Variants in ATP6V0A1 observed in about 807,000 individuals in gnomAD.
ATP6V0A1 encodes V-type proton ATPase 116 kDa subunit a 1.
A neutral mutation model predicts 105.4 loss-of-function variants in ATP6V0A1; 43 were observed. That is an observed-to-expected ratio of 0.41 (90% confidence interval 0.32 to 0.53). The LOEUF (loss-of-function observed/expected upper bound fraction) is 0.53, where lower values mean the gene tolerates loss of function less well. Among genes scored for constraint, ATP6V0A1 ranks in the 20% least tolerant of loss-of-function variants. ATP6V0A1 has a pLI of 0.30. For missense variants in ATP6V0A1, 676 were observed against 1,051.1 expected (o/e 0.64, Z 4.93); for synonymous variants, 362 against 372.8 (o/e 0.97, Z 0.33).
intron 5 of ATP6V0A1, among the ~76,000 whole-genome samples, chr17:42,473,120 C>G (rs2088216196): frequency 1.3e-5 from 2 of 152,152 alleles, no homozygotes; most frequent in African/African-American, 4.8e-5. Flanking sequence ...TTTCAAGAGT[C>G]AGAAGGTACA....
At chr17:42,466,741 GT>G (rs1201637795) in intron 3 of ATP6V0A1, among the ~76,000 whole-genome samples, 2 of 152,226 alleles carry the variant, frequency 1.3e-5, no homozygotes, top group East Asian at 3.9e-4. Context: ...AAAACTGGTT[GT>G]TTTTTTGTGA....
intron 2 of ATP6V0A1, among the ~76,000 whole-genome samples, chr17:42,465,309 G>A (rs1032321998): frequency 6.7e-5 from 10 of 149,554 alleles, no homozygotes; most frequent in African/African-American, 2.5e-4. Flanking sequence ...ATTTTTTTGA[G>A]ACAAGAGTCT....
intron 1 of ATP6V0A1, chr17:42,460,294 T>C (rs147500762): frequency 9.8e-5 from 15 of 152,368 alleles, no homozygotes; most frequent in Admixed American, 2.0e-4. Flanking sequence ...TGGGGAAATA[T>C]TGTTTTCTGA....
At chr17:42,485,184 C>T (rs940483415) in intron 9 of ATP6V0A1, among the ~76,000 whole-genome samples, 5 of 152,086 alleles carry the variant, frequency 3.3e-5, no homozygotes, top group Admixed American at 6.6e-5. Flanking sequence ...TGACCTCCAT[C>T]ATATATGACC....
intron 21 of ATP6V0A1, chr17:42,520,757 CCT>C (rs2092810266): frequency 2.2e-6 from 1 of 461,434 alleles, no homozygotes; most frequent in African/African-American, 2.0e-5. Context: ...TTTGCACATG[CCT>C]CTCTGCAGAG....
chr17:42,521,178 AG>A lies in ATP6V0A1; in HGVS notation c.*59del, dbSNP rs770835835. On this transcript the variant is annotated 3_prime_UTR_variant, in exon 22 of 22. Transcript: ENST00000343619. This position sits in a 1 kb window ranked among gnomAD's most constrained non-coding sequence, Gnocchi z 4.8. The stretch of plus-strand genomic sequence containing the variant: ...CTCCCCGCCTCCCTCCACAGTGATC[AG>A]CTGTGCCTCTCTGCCTGTTGGTTGT... 3.3e-5 allele frequency: 47 copies of A among 1,417,304 alleles called. No individual in the cohort carries two copies. Among genetic ancestry groups the A allele is most frequent in the Non-Finnish European group, 4.2e-5 (44 of 1,036,616 alleles). The allele number at this position is 1,417,304 out of a possible 1,614,324, so 87.8% of individuals were successfully genotyped here.
At chr17:42,463,086 A>G (rs2086633227) in intron 2 of ATP6V0A1, among the ~76,000 whole-genome samples, 1 of 141,244 alleles carries the variant, frequency 7.1e-6, no homozygotes, top group African/African-American at 2.7e-5. Flanking sequence ...GCTCACTGCA[A>G]CCTCCGTCTC....
chr17:42,466,773 A>G (rs557420611), intron 3 of ATP6V0A1, among the ~76,000 whole-genome samples: 2 of 152,350 alleles, frequency 1.3e-5, no homozygotes, highest in East Asian at 3.9e-4. Flanking sequence ...ACAAAACTAC[A>G]TGATAGAATT....
In ATP6V0A1 at chr17:42,463,285, G is replaced by C. The variant is rs141045608; in HGVS notation, c.117+2274G>C. On this transcript the variant is annotated intron_variant, in intron 2 of 21. Transcript: ENST00000343619. ...AGCCTCCCAAAGTGCTAGGATTACA[G>C]ACGTGAGCCACCAGGCCCAGACTGA... Among the ~76,000 whole-genome samples the C allele has an allele frequency of 2.0e-5, 3 of 152,186 alleles. No individual in the cohort carries two copies. The East Asian group carries it at 5.8e-4, about 29-fold the overall frequency.
At chr17:42,493,263 A>G (rs2146009623) in intron 11 of ATP6V0A1, among the ~76,000 whole-genome samples, 1 of 152,302 alleles carries the variant, frequency 6.6e-6, no homozygotes. Context: ...TAATTATTAA[A>G]TCAAGAGTGT....
chr17:42,474,538 G>A (rs780332884), intron 5 of ATP6V0A1, among the ~76,000 whole-genome samples: 2 of 152,156 alleles, frequency 1.3e-5, no homozygotes, highest in African/African-American at 4.8e-5. Context: ...CTGCTGCTGC[G>A]TAGCAGCAGG....
intron 17 of ATP6V0A1, 75 bp from the exon 18 acceptor site, chr17:42,507,445 C>T: frequency 1.9e-6 from 2 of 1,040,036 alleles, no homozygotes; most frequent in East Asian, 4.8e-5. Flanking sequence ...GTGTTACTAA[C>T]CATCGCCCTT....
At chr17:42,520,635 G>T in intron 21 of ATP6V0A1, 1 of 459,120 alleles carries the variant, frequency 2.2e-6, no homozygotes, top group Non-Finnish European at 4.4e-6. Context: ...TGCTTGCCCA[G>T]TGTCTCTGGA....
chr17:42,520,106 G>C, intron 21 of ATP6V0A1: 1 of 229,544 alleles, frequency 4.4e-6, no homozygotes, highest in Admixed American at 5.1e-5. Context: ...GTCACCTGGA[G>C]CCTGCCCCAG....
intron 21 of ATP6V0A1, 95 bp from the exon 22 acceptor site, chr17:42,520,932 G>A: frequency 9.1e-7 from 1 of 1,100,760 alleles, no homozygotes; most frequent in Non-Finnish European, 1.3e-6. Flanking sequence ...TCGGGGTGAG[G>A]TGGGCACGGG....
chr17:42,459,354 C>T, intron 1 of ATP6V0A1, among the ~76,000 whole-genome samples: 1 of 152,150 alleles, frequency 6.6e-6, no homozygotes, highest in African/African-American at 2.4e-5. Context: ...CAGGTGAATA[C>T]CGTGGGAGGA....
intron 21 of ATP6V0A1, chr17:42,520,300 G>A: frequency 2.7e-6 from 1 of 375,802 alleles, no homozygotes; most frequent in Non-Finnish European, 5.3e-6. Context: ...GCAGGAGGAA[G>A]CACAGCCAAG....
intron 21 of ATP6V0A1, among the ~76,000 whole-genome samples, chr17:42,516,760 G>C (rs959645648): frequency 1.3e-5 from 2 of 152,188 alleles, no homozygotes; most frequent in African/African-American, 4.8e-5. Flanking sequence ...TGGCCTCCCC[G>C]TGTCTTCCCA....
Position 42,498,008 on chromosome 17 carries a change from G to A in ATP6V0A1, c.1561-916G>A, listed in dbSNP as rs534497253. ...AGCCTGTAATCCAAGCAGTTTGGGA[G>A]GCCGAGGCAAGCCTCAGGCCAGACC... On this transcript the variant is annotated intron_variant, in intron 14 of 21. Transcript: ENST00000343619. Among the ~76,000 whole-genome samples, 13 of 151,858 alleles carry A rather than the reference G, an allele frequency of 8.6e-5. No homozygotes were observed. The South Asian group carries it at 2.7e-3, about 32-fold the overall frequency.
Sources: allele counts gnomAD v4.1 joint callset (sites outside exome capture counted in the v4.1 genomes callset), GRCh38; gene constraint gnomAD v4.1.1; non-coding constraint Gnocchi (gnomAD v3.1); transcripts MANE v1.5; gene names NCBI Gene and HGNC (gene_info 2026-07-23, HGNC 2026-07-21).